The following TOX variants were observed in gnomAD, a reference collection of about 807,000 sequenced individuals.
TOX encodes the protein thymocyte selection associated high mobility group box, also known as thymocyte selection-associated high mobility group box protein TOX.
TOX carries 11 observed loss-of-function variants against 53.7 expected under a neutral mutation model. The ratio of observed to expected loss-of-function variants is 0.20; its 90% confidence interval spans 0.13 to 0.34. The LOEUF is 0.34. Ranked by LOEUF, TOX falls within the 10% of genes least tolerant of loss-of-function variation. The probability of loss-of-function intolerance (pLI) is 1.00; values close to 1 mark genes in which losing one functional copy is unlikely to be tolerated. For synonymous variants in TOX, 225 were observed against 245.3 expected, an observed-to-expected ratio of 0.92 and a Z score of 0.77; for missense variants, 570 against 664.6, an observed-to-expected ratio of 0.86 and a Z score of 1.56.
At chr8:58,859,893 A>G (rs1219564719) in intron 3 of TOX, among the ~76,000 whole-genome samples, 1 of 152,174 alleles carries the variant, frequency 6.6e-6, no homozygotes, top group African/African-American at 2.4e-5. Flanking sequence ...GATGAACCAA[A>G]GATCAGATAT....
intron 1 of TOX, among the ~76,000 whole-genome samples, chr8:59,111,868 C>T (rs925362576): frequency 6.6e-6 from 1 of 152,024 alleles, no homozygotes; most frequent in Non-Finnish European, 1.5e-5. Context: ...GAATGAAAAA[C>T]GATAAATACT....
intron 3 of TOX, among the ~76,000 whole-genome samples, chr8:58,922,144 G>A (rs117211099): frequency 1.3e-3 from 197 of 149,920 alleles, no homozygotes; most frequent in Admixed American, 3.6e-3. Context: ...GTAAGTTAAC[G>A]ATGGGTTACT....
intron 1 of TOX, among the ~76,000 whole-genome samples, chr8:59,044,384 C>A (rs1309331336): frequency 6.6e-6 from 1 of 152,190 alleles, no homozygotes; most frequent in Non-Finnish European, 1.5e-5. Context: ...TAGCTTGCTA[C>A]TACAAGTGCA....
At chr8:58,953,139 A>C (rs1170710429) in intron 2 of TOX, among the ~76,000 whole-genome samples, 1 of 152,142 alleles carries the variant, frequency 6.6e-6, no homozygotes, top group East Asian at 1.9e-4. Flanking sequence ...AAATAATAAT[A>C]ATAAAGGCTG....
Position 58,998,497 on chromosome 8 carries a change from AT to A in TOX, c.103-38490del, listed in dbSNP as rs199522071. Among the ~76,000 whole-genome samples, 82 of 69,386 alleles carry A rather than the reference AT, an allele frequency of 1.2e-3. 3 individuals are homozygous for A. The highest frequency in any genetic ancestry group is 1.5e-3 in the South Asian group (3 of 1,972). The allele number at this position is 69,386 out of a possible 152,430, so 45.5% of individuals were successfully genotyped here. On this transcript the variant is annotated intron_variant, in intron 1 of 8. Transcript: ENST00000361421. The stretch of plus-strand genomic sequence containing the variant: ...GAGCCAGACTCCATCTCAAAAGTAT[AT>A]ATATATATATATATATATATATATA...
intron 1 of TOX, among the ~76,000 whole-genome samples, chr8:59,070,392 G>A (rs1301337593): frequency 6.6e-6 from 1 of 151,884 alleles, no homozygotes; most frequent in Non-Finnish European, 1.5e-5. Context: ...CTCTATCTAT[G>A]CTTCTATTTA....
intron 1 of TOX, among the ~76,000 whole-genome samples, chr8:59,006,465 G>A (rs1335446740): frequency 1.3e-5 from 2 of 152,134 alleles, no homozygotes; most frequent in Admixed American, 1.3e-4. Flanking sequence ...AGGAGAGGTA[G>A]GAGAAGAGAA....
intron 1 of TOX, among the ~76,000 whole-genome samples, chr8:59,082,875 T>C (rs1327139920): frequency 6.6e-6 from 1 of 152,212 alleles, no homozygotes; most frequent in East Asian, 1.9e-4. Context: ...CATCCTTTCC[T>C]TAATCTGAAA....
At chr8:58,825,024 A>G (rs956557149) in intron 6 of TOX, among the ~76,000 whole-genome samples, 1 of 152,218 alleles carries the variant, frequency 6.6e-6, no homozygotes, top group Non-Finnish European at 1.5e-5. Flanking sequence ...TGTAGAAAAA[A>G]TATGTTTAAA....
chr8:58,930,803 T>C (rs1200086301), intron 3 of TOX, among the ~76,000 whole-genome samples: 1 of 152,192 alleles, frequency 6.6e-6, no homozygotes, highest in Non-Finnish European at 1.5e-5. Context: ...TCTGTGCTGC[T>C]TTCCCCAAAC....
intron 3 of TOX, among the ~76,000 whole-genome samples, chr8:58,910,625 TTAAAG>T (rs1414908320): frequency 2.0e-5 from 3 of 152,226 alleles, no homozygotes; most frequent in Non-Finnish European, 4.4e-5. Context: ...TTTTGAAAGT[TTAAAG>T]TAAGTGAATT....
intron 7 of TOX, among the ~76,000 whole-genome samples, chr8:58,810,833 C>G (rs552603670): frequency 5.3e-5 from 8 of 151,900 alleles, no homozygotes; most frequent in African/African-American, 1.9e-4. Flanking sequence ...CCTTTCGCTG[C>G]CCTTCCCCAC....
At chr8:58,892,187 A>G (rs978970701) in intron 3 of TOX, among the ~76,000 whole-genome samples, 1 of 152,190 alleles carries the variant, frequency 6.6e-6, no homozygotes. Flanking sequence ...CCATTGTTGT[A>G]TAACATTTTG....
chr8:58,812,778 T>A (rs191317190), intron 7 of TOX, among the ~76,000 whole-genome samples: 6 of 152,306 alleles, frequency 3.9e-5, no homozygotes, highest in African/African-American at 1.4e-4. Flanking sequence ...CTACCACATG[T>A]TAGGGGTTCA....
At chr8:59,075,929 C>T (rs887921693) in intron 1 of TOX, among the ~76,000 whole-genome samples, 3 of 151,360 alleles carry the variant, frequency 2.0e-5, no homozygotes, top group Non-Finnish European at 4.4e-5. Flanking sequence ...CGCTTGAACC[C>T]GGGAGGCGGA....
chr8:59,107,970 C>T (rs762527602), intron 1 of TOX, among the ~76,000 whole-genome samples: 1 of 152,134 alleles, frequency 6.6e-6, no homozygotes, highest in African/African-American at 2.4e-5. Context: ...CAAAACATTG[C>T]GTGTGCTTTG....
chr8:58,853,364 C>A (rs1810858688), intron 3 of TOX, among the ~76,000 whole-genome samples: 1 of 152,112 alleles, frequency 6.6e-6, no homozygotes, highest in Non-Finnish European at 1.5e-5. Context: ...CATAAAGCAG[C>A]TTTTACTATT....
At chr8:58,923,188 G>A (rs977744038) in intron 3 of TOX, among the ~76,000 whole-genome samples, 16 of 152,118 alleles carry the variant, frequency 1.1e-4, no homozygotes, top group African/African-American at 3.9e-4. Flanking sequence ...ACTCTTGTGT[G>A]GAGAATGTAT....
intron 1 of TOX, among the ~76,000 whole-genome samples, chr8:59,056,856 C>T (rs1034643961): frequency 1.1e-4 from 16 of 152,132 alleles, no homozygotes; most frequent in African/African-American, 3.6e-4. Context: ...CAGATCTCTC[C>T]GTTTTAACTA....
Sources: gnomAD v4.1 joint callset for allele counts (sites outside exome capture counted in the v4.1 genomes callset) on GRCh38, gnomAD v4.1.1 for gene constraint, MANE v1.5 for transcripts, NCBI Gene and HGNC (gene_info 2026-07-23, HGNC 2026-07-21) for gene names.